NTM: variants seen among roughly 807,000 people sequenced by gnomAD.
NTM encodes neurotrimin.
A neutral mutation model predicts 42.1 loss-of-function variants in NTM; 13 were observed. The ratio of observed to expected loss-of-function variants is 0.31; its 90% CI spans 0.20 to 0.49. The LOEUF is 0.49. NTM is among the 20% of genes least tolerant of loss of function. The pLI is 0.99. For synonymous variants in NTM, 187 were observed against 179.2 expected (o/e 1.04, Z -0.35); for missense variants, 373 against 452.8 (o/e 0.82, Z 1.60).
chr11:131,611,320 C>G (rs1323629356), intron 1 of NTM, among the ~76,000 whole-genome samples: 3 of 152,194 alleles, frequency 2.0e-5, no homozygotes, highest in African/African-American at 4.8e-5. Flanking sequence ...TAGAGAAACT[C>G]AATTAGAACT....
intron 2 of NTM, among the ~76,000 whole-genome samples, chr11:131,965,668 G>A (rs545998728): frequency 1.3e-5 from 2 of 152,242 alleles, no homozygotes; most frequent in South Asian, 4.1e-4. Flanking sequence ...AGCTGGAGGA[G>A]GCTTGTGACT....
intron 1 of NTM, among the ~76,000 whole-genome samples, chr11:131,751,906 C>T (rs958326015): frequency 1.3e-5 from 2 of 152,122 alleles, no homozygotes; most frequent in Non-Finnish European, 2.9e-5. Context: ...CTGTGACTTG[C>T]CATTTTAGAC....
intron 1 of NTM, among the ~76,000 whole-genome samples, chr11:131,871,920 A>C (rs184057970): frequency 3.2e-4 from 49 of 152,328 alleles, no homozygotes; most frequent in Non-Finnish European, 2.9e-5. Context: ...AGCTTCAGCC[A>C]ATTTCAGTCC....
intron 1 of NTM, among the ~76,000 whole-genome samples, chr11:131,873,090 T>C (rs917950165): frequency 9.9e-5 from 15 of 152,256 alleles, no homozygotes; most frequent in African/African-American, 3.6e-4. Flanking sequence ...CCATTTACAA[T>C]AGCAAAGACT....
At chr11:131,662,702 G>T (rs1277950970) in intron 1 of NTM, among the ~76,000 whole-genome samples, 1 of 152,128 alleles carries the variant, frequency 6.6e-6, no homozygotes, top group Non-Finnish European at 1.5e-5. Flanking sequence ...CAACATAATC[G>T]CTTCTTGGTC....
chr11:132,113,134 T>C (rs1352798199), intron 2 of NTM, among the ~76,000 whole-genome samples: 1 of 152,106 alleles, frequency 6.6e-6, no homozygotes, highest in Non-Finnish European at 1.5e-5. Flanking sequence ...TCATGCACAC[T>C]ACCTGATTGC....
intron 3 of NTM, among the ~76,000 whole-genome samples, chr11:132,181,955 T>TTTTTTA (rs375282575): frequency 2.1e-5 from 3 of 141,010 alleles, no homozygotes; most frequent in Admixed American, 7.2e-5. Context: ...CACTATCTAG[T>TTTTTTA]TTATTATTAT....
At chr11:131,916,239 C>T (rs1442686519) in intron 2 of NTM, among the ~76,000 whole-genome samples, 1 of 152,198 alleles carries the variant, frequency 6.6e-6, no homozygotes, top group Non-Finnish European at 1.5e-5. Flanking sequence ...CCAGAAGCCC[C>T]AATGCATGGG....
intron 1 of NTM, among the ~76,000 whole-genome samples, chr11:131,852,804 C>T (rs2045699338): frequency 6.6e-6 from 1 of 151,982 alleles, no homozygotes. Flanking sequence ...ACCACCCATT[C>T]ATCCACTCAT....
At chr11:131,963,952 T>C (rs1231775107) in intron 2 of NTM, among the ~76,000 whole-genome samples, 1 of 152,216 alleles carries the variant, frequency 6.6e-6, no homozygotes, top group Non-Finnish European at 1.5e-5. Flanking sequence ...GCTTCTAATC[T>C]GTCTTAGTAT....
chr11:132,000,846 A>G (rs555870905), intron 2 of NTM, among the ~76,000 whole-genome samples: 17 of 152,338 alleles, frequency 1.1e-4, no homozygotes, highest in African/African-American at 3.4e-4. Flanking sequence ...GGAATATGCA[A>G]TGATATATCA....
intron 1 of NTM, among the ~76,000 whole-genome samples, chr11:131,588,196 G>T (rs1242507243): frequency 2.6e-5 from 4 of 152,256 alleles, no homozygotes; most frequent in African/African-American, 9.6e-5. Flanking sequence ...TCTGCTGCAA[G>T]CTCACTCAAA....
At chr11:132,099,188 A>G (rs2061362571) in intron 2 of NTM, among the ~76,000 whole-genome samples, 1 of 152,182 alleles carries the variant, frequency 6.6e-6, no homozygotes, top group African/African-American at 2.4e-5. Flanking sequence ...AACTCTGCTG[A>G]CCAAGAAAGG....
chr11:132,026,322 CT>C (rs1001193546), intron 2 of NTM, among the ~76,000 whole-genome samples: 3 of 152,196 alleles, frequency 2.0e-5, no homozygotes, highest in South Asian at 2.1e-4. Flanking sequence ...TTAAATGCCC[CT>C]GGCTTTCCAC....
chr11:131,410,517 C>CA (rs1161389222), intron 1 of NTM, among the ~76,000 whole-genome samples: 11,136 of 32,762 alleles, frequency 0.34, 3,012 homozygotes, highest in Non-Finnish European at 0.38. Context: ...AAACAATAAC[C>CA]AAAAAAAAAA....
intron 2 of NTM, among the ~76,000 whole-genome samples, chr11:132,140,500 AAGTCT>A (rs1443127018): frequency 1.3e-5 from 2 of 152,162 alleles, no homozygotes; most frequent in African/African-American, 4.8e-5. Flanking sequence ...ATGTGAGTCT[AAGTCT>A]AGTATTTTTG....
intron 1 of NTM, among the ~76,000 whole-genome samples, chr11:131,514,050 A>T (rs1445089429): frequency 1.3e-5 from 2 of 152,058 alleles, no homozygotes; most frequent in Admixed American, 1.3e-4. Flanking sequence ...ATTATTAATG[A>T]TAATAATAAT....
intron 4 of NTM, among the ~76,000 whole-genome samples, chr11:132,267,330 C>G (rs1591629728): frequency 6.6e-6 from 1 of 152,172 alleles, no homozygotes; most frequent in Admixed American, 6.6e-5. Flanking sequence ...GACATGCTAT[C>G]ATTTAAATAT....
At chr11:132,081,262 C>T (rs2058996868) in intron 2 of NTM, among the ~76,000 whole-genome samples, 1 of 152,218 alleles carries the variant, frequency 6.6e-6, no homozygotes, top group Non-Finnish European at 1.5e-5. Context: ...AACACACATG[C>T]ATACCTATGT....
Sources: allele counts gnomAD v4.1 joint callset (sites outside exome capture counted in the v4.1 genomes callset), GRCh38; gene constraint gnomAD v4.1.1; transcripts MANE v1.5; gene names NCBI Gene and HGNC (gene_info 2026-07-23, HGNC 2026-07-21).